PDE11A: variants seen among roughly 807,000 people sequenced by gnomAD.
PDE11A encodes phosphodiesterase 11A, also known as dual 3',5'-cyclic-AMP and -GMP phosphodiesterase 11A.
Under a neutral mutation model 100.5 loss-of-function variants are expected in PDE11A, and 100 were observed. The ratio of observed to expected loss-of-function variants is 1.00; its 90% CI spans 0.85 to 1.18. The LOEUF (loss-of-function observed/expected upper bound fraction) is 1.18, where lower values mean the gene tolerates loss of function less well. PDE11A is among the 50% of genes most tolerant of loss of function. The pLI is 0.00. For missense variants in PDE11A, 1,141 were observed against 1,152.6 expected, an observed-to-expected ratio of 0.99 and a Z score of 0.15; for synonymous variants, 381 against 420.8, an observed-to-expected ratio of 0.91 and a Z score of 1.16.
chr2:177,871,537 T>A (rs1406202895), intron 5 of PDE11A, among the ~76,000 whole-genome samples: 91 of 106,046 alleles, frequency 8.6e-4, no homozygotes, highest in African/African-American at 3.8e-3. Flanking sequence ...TTATTATTAT[T>A]ATTATTATTA....
At chr2:177,992,609 C>A (rs1444188268) in intron 2 of PDE11A, among the ~76,000 whole-genome samples, 1 of 152,072 alleles carries the variant, frequency 6.6e-6, no homozygotes, top group Non-Finnish European at 1.5e-5. Context: ...ATTCTTAAAC[C>A]CTTGTGTCAA....
At chr2:177,914,925 T>C (rs2105746731) in intron 2 of PDE11A, among the ~76,000 whole-genome samples, 1 of 152,324 alleles carries the variant, frequency 6.6e-6, no homozygotes, top group South Asian at 2.1e-4. Context: ...CAGAATCATA[T>C]AGCATGTGGC....
chr2:177,661,511 G>T (rs570417466), intron 19 of PDE11A, among the ~76,000 whole-genome samples: 73 of 152,258 alleles, frequency 4.8e-4, no homozygotes, highest in Non-Finnish European at 7.2e-4. Flanking sequence ...AGATTATCCA[G>T]TTAAATAGTG....
intron 6 of PDE11A, among the ~76,000 whole-genome samples, chr2:177,825,970 C>T (rs866771136): frequency 3.3e-5 from 5 of 152,162 alleles, no homozygotes; most frequent in Admixed American, 2.6e-4. Context: ...TTTACAAATA[C>T]AAATATTGCT....
chr2:177,894,515 A>T (rs1311985988), intron 4 of PDE11A, among the ~76,000 whole-genome samples: 1 of 152,196 alleles, frequency 6.6e-6, no homozygotes, highest in Non-Finnish European at 1.5e-5. Context: ...GGACCCAAGA[A>T]AAACCTTAAA....
At chr2:178,104,940 A>G (rs2087600937) in intron 1 of PDE11A, among the ~76,000 whole-genome samples, 1 of 152,244 alleles carries the variant, frequency 6.6e-6, no homozygotes, top group African/African-American at 2.4e-5. Flanking sequence ...ATGAGTATTT[A>G]TATGTCTACA....
intron 9 of PDE11A, among the ~76,000 whole-genome samples, chr2:177,786,588 C>G (rs1308461867): frequency 6.6e-6 from 1 of 152,152 alleles, no homozygotes; most frequent in Admixed American, 6.5e-5. Flanking sequence ...TCAAATTACT[C>G]TGAGCTACAG....
intron 2 of PDE11A, among the ~76,000 whole-genome samples, chr2:177,944,981 C>T (rs1037235069): frequency 1.1e-4 from 17 of 150,068 alleles, no homozygotes; most frequent in African/African-American, 3.6e-4. Context: ...CAGGCACGCG[C>T]CGCCACGCCT....
chr2:177,753,114 A>G (rs1237448500), intron 10 of PDE11A, among the ~76,000 whole-genome samples: 1 of 152,210 alleles, frequency 6.6e-6, no homozygotes, highest in Non-Finnish European at 1.5e-5. Context: ...GTCCACAACT[A>G]ATGACAACTA....
At chr2:177,783,813 T>C (rs1480856766) in intron 9 of PDE11A, among the ~76,000 whole-genome samples, 1 of 152,248 alleles carries the variant, frequency 6.6e-6, no homozygotes, top group Admixed American at 6.5e-5. Context: ...TAAGCATTGT[T>C]AAACTGGGGT....
chr2:177,675,332 G>T, intron 17 of PDE11A, 123 bp downstream of exon 17: 3 of 744,526 alleles, frequency 4.0e-6, no homozygotes, highest in Non-Finnish European at 7.3e-6. Context: ...TTTACACCAT[G>T]TTAATACTGA....
chr2:177,702,109 T>A (rs1023666669), intron 13 of PDE11A, among the ~76,000 whole-genome samples: 22 of 152,234 alleles, frequency 1.4e-4, no homozygotes, highest in Admixed American at 5.9e-4. Context: ...TAAATACTCA[T>A]TGATACTTAA....
rs745549821 is a variant in PDE11A, at chr2:177,905,104, T to G, written c.1155A>C (p.Arg385Ser). The G allele has an allele frequency of 1.3e-6, 2 of 1,568,728 alleles. No individual in the cohort carries two copies. The highest frequency in any genetic ancestry group is 1.1e-5 in the South Asian group (1 of 90,128). The change falls in exon 3 of 20, where the codon AGA becomes AGC. Residue 385 changes from arginine to serine, a missense_variant. Arg to Ser is a moderately radical substitution (Grantham distance 110). Coordinates refer to ENST00000286063, the MANE Select transcript of PDE11A (RefSeq NM_016953.4). Reference sequence around the variant, plus strand: ...AATGTTTTTATTTACTCACTCTGCTTCTTTCATATTCTTTCCTTGAGGCAG... The same window carrying G: ...AATGTTTTTATTTACTCACTCTGCTGCTTTCATATTCTTTCCTTGAGGCAG... Reference protein sequence around the residue: ...LFAASRKEYERSRALLEVVND... With the variant: ...LFAASRKEYESSRALLEVVND...
At chr2:177,789,266 A>T (rs1258475550) in intron 9 of PDE11A, among the ~76,000 whole-genome samples, 1 of 152,150 alleles carries the variant, frequency 6.6e-6, no homozygotes, top group Non-Finnish European at 1.5e-5. Context: ...TCCAGCATAT[A>T]AACAGAACCA....
intron 2 of PDE11A, among the ~76,000 whole-genome samples, chr2:177,948,683 T>A (rs1302839276): frequency 6.6e-6 from 1 of 152,198 alleles, no homozygotes; most frequent in African/African-American, 2.4e-5. Flanking sequence ...GCAGGAGGAT[T>A]GCTTGAGTCC....
At chr2:177,812,850 T>A (rs950760268) in intron 9 of PDE11A, among the ~76,000 whole-genome samples, 2 of 152,182 alleles carry the variant, frequency 1.3e-5, no homozygotes, top group Non-Finnish European at 2.9e-5. Flanking sequence ...ACAGGTGCAA[T>A]AAGCACAGCT....
At chr2:177,807,809 C>T (rs2082894776) in intron 9 of PDE11A, among the ~76,000 whole-genome samples, 1 of 151,666 alleles carries the variant, frequency 6.6e-6, no homozygotes, top group Non-Finnish European at 1.5e-5. Context: ...AACTATCTGA[C>T]TAATCTTTAT....
intron 1 of PDE11A, among the ~76,000 whole-genome samples, chr2:178,064,522 TC>T (rs1383449039): frequency 2.0e-5 from 3 of 152,168 alleles, no homozygotes; most frequent in African/African-American, 7.2e-5. Flanking sequence ...CATAGTTACC[TC>T]AGGGGATTGT....
Position 177,624,443 on chromosome 2 carries a change from G to A in PDE11A, c.*4964C>T, listed in dbSNP as rs2079804438. On this transcript the variant is annotated 3_prime_UTR_variant, in exon 20 of 20. Transcript: ENST00000286063. The stretch of plus-strand genomic sequence containing the variant: ...TAGATTTTAAAATAATTTTACTGCA[G>A]AATAAATTGGGCAGATTCTGTTTAA... 1 of 152,114 alleles carries A rather than the reference G, an allele frequency of 6.6e-6. No homozygotes were observed. Among genetic ancestry groups the A allele is most frequent in the African/African-American group, 2.4e-5 (1 of 41,426 alleles). 9.4% of individuals were successfully genotyped at this position (152,114 alleles called of 1,614,324 possible).
Sources: gnomAD v4.1 joint callset for allele counts (sites outside exome capture counted in the v4.1 genomes callset) on GRCh38, gnomAD v4.1.1 for gene constraint, MANE v1.5 for transcripts, NCBI Gene and HGNC (gene_info 2026-07-23, HGNC 2026-07-21) for gene names.